The following KLF8 variants were observed in gnomAD, a reference collection of about 807,000 sequenced individuals.
KLF8 encodes Krueppel-like factor 8.
KLF8 carries 10 observed loss-of-function variants against 18.2 expected under a neutral mutation model. The ratio of observed to expected loss-of-function variants is 0.55; its 90% CI spans 0.34 to 0.93. KLF8 has a LOEUF of 0.93. Ranked by LOEUF, KLF8 falls within the 40% of genes least tolerant of loss-of-function variation. The pLI is 0.02. For missense variants in KLF8, 264 were observed against 277.9 expected (o/e 0.95, Z 0.36); for synonymous variants, 109 against 97.3 (o/e 1.12, Z -0.71).
the KLF8 span, among the ~76,000 whole-genome samples, chrX:55,952,710 TG>T: frequency 8.9e-6 from 1 of 112,152 alleles, no homozygotes; most frequent in African/African-American, 3.2e-5. Flanking sequence ...GATTAGAATG[TG>T]GGCTTCTTTG....
At chrX:56,172,778 AC>A in the KLF8 span, among the ~76,000 whole-genome samples, 1 of 111,561 alleles carries the variant, frequency 9.0e-6, no homozygotes, top group Non-Finnish European at 1.9e-5. Context: ...TTGTTTCCTG[AC>A]TTTTTCATAA....
the KLF8 span, among the ~76,000 whole-genome samples, chrX:55,980,930 C>T: frequency 2.7e-5 from 3 of 112,541 alleles, no homozygotes; most frequent in Non-Finnish European, 5.6e-5. Flanking sequence ...CGGTGGCCCA[C>T]GCCTGTAATC....
Position 56,284,764 on chromosome X carries a change from C to T in KLF8, c.*270C>T, listed in dbSNP as rs761673816. 37 of 266,767 alleles carry T rather than the reference C, an allele frequency of 1.4e-4. No individual in the cohort carries two copies. Among genetic ancestry groups the T allele is most frequent in the Non-Finnish European group, 2.3e-4 (35 of 152,236 alleles). 22.0% of individuals were successfully genotyped at this position (266,767 alleles called of 1,213,427 possible). On this transcript the variant is annotated 3_prime_UTR_variant, in exon 6 of 6. Coordinates refer to ENST00000468660, the MANE Select transcript of KLF8 (RefSeq NM_007250.5). ...CACCCATGGCTGCCTTCCCATCCCC[C>T]CCTGCTCTGAAATAGGACATTTTTC...
the KLF8 span, among the ~76,000 whole-genome samples, chrX:55,911,642 C>T: frequency 2.7e-5 from 3 of 111,000 alleles, no homozygotes; most frequent in Non-Finnish European, 3.8e-5. Flanking sequence ...GAGAAGAGTG[C>T]GAGGAAGGGA....
intron 5 of KLF8, among the ~76,000 whole-genome samples, chrX:56,281,197 T>C (rs761461750): frequency 1.8e-5 from 2 of 111,513 alleles, no homozygotes; most frequent in South Asian, 3.8e-4. Flanking sequence ...TTTTCATCTG[T>C]CTTTTATAAT....
At chrX:55,974,795 G>A in the KLF8 span, among the ~76,000 whole-genome samples, 8 of 112,140 alleles carry the variant, frequency 7.1e-5, no homozygotes, top group Non-Finnish European at 1.5e-4. Flanking sequence ...AATGTCATTA[G>A]CATTTTTGTA....
At chrX:56,065,083 G>A in the KLF8 span, among the ~76,000 whole-genome samples, 5 of 111,332 alleles carry the variant, frequency 4.5e-5, no homozygotes, top group Non-Finnish European at 9.4e-5. Context: ...TTTTAGTTGT[G>A]TATATTTTGG....
chrX:56,124,149 T>G, the KLF8 span, among the ~76,000 whole-genome samples: 1 of 111,943 alleles, frequency 8.9e-6, no homozygotes, highest in Admixed American at 9.5e-5. Context: ...TCAAAACAAA[T>G]GAAATGTAGG....
chrX:56,048,812 T>C, the KLF8 span, among the ~76,000 whole-genome samples: 1 of 111,845 alleles, frequency 8.9e-6, no homozygotes, highest in Non-Finnish European at 1.9e-5. Context: ...AAGAAAGTCA[T>C]TGGTAGCTTG....
the KLF8 span, among the ~76,000 whole-genome samples, chrX:56,022,346 A>G: frequency 1.8e-5 from 2 of 109,443 alleles, no homozygotes; most frequent in East Asian, 5.7e-4. Context: ...GGAGATCGAG[A>G]CCATCCTGGC....
the KLF8 span, among the ~76,000 whole-genome samples, chrX:56,186,949 C>T: frequency 9.0e-6 from 1 of 111,721 alleles, no homozygotes. Flanking sequence ...GACACCCGAA[C>T]ATCACAATTA....
the KLF8 span, among the ~76,000 whole-genome samples, chrX:55,914,607 A>G: frequency 7.2e-5 from 8 of 111,874 alleles, no homozygotes; most frequent in Non-Finnish European, 1.1e-4. Flanking sequence ...TTAGACGGTC[A>G]GAGAAGACTT....
the KLF8 span, among the ~76,000 whole-genome samples, chrX:56,065,209 G>C: frequency 9.0e-6 from 1 of 111,484 alleles, no homozygotes. Context: ...CACCTTCTGG[G>C]ACATCACAAT....
chrX:56,260,385 C>A (rs979034256), intron 2 of KLF8, among the ~76,000 whole-genome samples: 23 of 111,916 alleles, frequency 2.1e-4, no homozygotes, highest in African/African-American at 7.5e-4. Context: ...TAACTTCATC[C>A]ATGTATTACC....
At chrX:56,097,346 T>C in the KLF8 span, among the ~76,000 whole-genome samples, 2 of 104,613 alleles carry the variant, frequency 1.9e-5, no homozygotes, top group Non-Finnish European at 3.9e-5. Context: ...TCTTTCTTTT[T>C]TTTTTTTTTT....
At chrX:55,927,874 T>C in the KLF8 span, among the ~76,000 whole-genome samples, 1 of 112,109 alleles carries the variant, frequency 8.9e-6, no homozygotes, top group Non-Finnish European at 1.9e-5. Context: ...TTGCAGAGGA[T>C]ACAACAGAGT....
At chrX:56,022,391 A>C in the KLF8 span, among the ~76,000 whole-genome samples, 1 of 107,914 alleles carries the variant, frequency 9.3e-6, no homozygotes, top group South Asian at 4.2e-4. Flanking sequence ...CTAAAATTAC[A>C]AAAAATTAGC....
chrX:55,974,988 G>C, the KLF8 span, among the ~76,000 whole-genome samples: 2 of 111,662 alleles, frequency 1.8e-5, no homozygotes, highest in Admixed American at 1.9e-4. Context: ...TTAATTCCTA[G>C]GTTTAAAAAT....
At chrX:56,260,397 A>C (rs1043853648) in intron 2 of KLF8, among the ~76,000 whole-genome samples, 1 of 112,324 alleles carries the variant, frequency 8.9e-6, no homozygotes. Flanking sequence ...TGTATTACCC[A>C]AAAACAACCT....
Sources: gnomAD v4.1 joint callset for allele counts (sites outside exome capture counted in the v4.1 genomes callset) on GRCh38, gnomAD v4.1.1 for gene constraint, MANE v1.5 for transcripts, NCBI Gene and HGNC (gene_info 2026-07-23, HGNC 2026-07-21) for gene names.